MTUS1: variants seen among roughly 807,000 people sequenced by gnomAD.
MTUS1 encodes the protein microtubule-associated tumor suppressor 1.
MTUS1 carries 109 observed loss-of-function variants against 120.8 expected under a neutral mutation model. The ratio of observed to expected loss-of-function variants is 0.90; its 90% CI spans 0.77 to 1.06. MTUS1 has a LOEUF of 1.06. MTUS1 is among the 50% of genes least tolerant of loss of function. MTUS1 has a pLI of 0.00. For synonymous variants in MTUS1, 737 were observed against 550.5 expected (o/e 1.34, Z -4.74); for missense variants, 2,210 against 1,486.3 (o/e 1.49, Z -8.01).
At chr8:17,796,347 G>T (rs78167187) in intron 1 of MTUS1, among the ~76,000 whole-genome samples, 1 of 17,576 alleles carries the variant, frequency 5.7e-5, no homozygotes, top group African/African-American at 1.9e-4. Flanking sequence ...TATACAGCTT[G>T]AAGTCTAAAC....
At chr8:17,768,897 G>C (rs1047119567) in intron 1 of MTUS1, among the ~76,000 whole-genome samples, 3 of 152,040 alleles carry the variant, frequency 2.0e-5, no homozygotes, top group Non-Finnish European at 4.4e-5. Flanking sequence ...ATGGTATTTT[G>C]TTTACACTTC....
intron 1 of MTUS1, among the ~76,000 whole-genome samples, chr8:17,798,002 G>A (rs2052384592): frequency 6.6e-6 from 1 of 152,110 alleles, no homozygotes; most frequent in Non-Finnish European, 1.5e-5. Flanking sequence ...AACTACGTAT[G>A]CAGTACATTT....
At chr8:17,758,056 C>G (rs1314789606) in intron 1 of MTUS1, 1 of 151,980 alleles carries the variant, frequency 6.6e-6, no homozygotes, top group African/African-American at 2.4e-5. Flanking sequence ...CAATGTCAAT[C>G]CGATGTCACA....
In MTUS1 at chr8:17,749,154, A is replaced by T. The variant is rs533005038; in HGVS notation, c.2091+4563T>A. On this transcript the variant is annotated intron_variant, in intron 2 of 14. Coordinates refer to ENST00000693296, the MANE Select transcript of MTUS1 (RefSeq NM_001363059.2). ...AAGGGTTGGAATTCAGGCACAGCTG[A>T]CCAGCATTAACATCAACAAAGACCT... is the stretch of plus-strand genomic sequence containing the variant. Among the ~76,000 whole-genome samples, 11 of 152,178 alleles carry T rather than the reference A, an allele frequency of 7.2e-5. No individual in the cohort carries two copies. In the South Asian group the frequency reaches 1.0e-3, roughly 14 times the overall value.
chr8:17,696,156 C>CG (rs1563219085), intron 6 of MTUS1, among the ~76,000 whole-genome samples: 2 of 151,726 alleles, frequency 1.3e-5, no homozygotes, highest in African/African-American at 4.8e-5. Context: ...CTGCTGACCT[C>CG]CTCCTCGCTG....
At chr8:17,684,089 G>A (rs543668183) in intron 7 of MTUS1, among the ~76,000 whole-genome samples, 2 of 152,230 alleles carry the variant, frequency 1.3e-5, no homozygotes, top group South Asian at 4.2e-4. Flanking sequence ...GTTTTTTGCT[G>A]TTGCCATTCT....
chr8:17,712,575 G>A (rs1169824006), intron 6 of MTUS1, among the ~76,000 whole-genome samples: 4 of 152,146 alleles, frequency 2.6e-5, no homozygotes, highest in African/African-American at 9.7e-5. Flanking sequence ...CTGACCTCAA[G>A]TGATCCACCC....
chr8:17,773,562 T>C (rs1054126903), intron 1 of MTUS1, among the ~76,000 whole-genome samples: 6 of 152,196 alleles, frequency 3.9e-5, no homozygotes, highest in African/African-American at 1.2e-4. Context: ...AAAACTGGTG[T>C]CTGGTAAGGA....
chr8:17,731,282 C>T (rs528892409), intron 3 of MTUS1, among the ~76,000 whole-genome samples: 99 of 152,104 alleles, frequency 6.5e-4, no homozygotes, highest in Non-Finnish European at 1.0e-3. Flanking sequence ...GGTTCAAACC[C>T]GGCGCCACCT....
At chr8:17,651,085 G>T (rs531158841) in intron 12 of MTUS1, among the ~76,000 whole-genome samples, 3 of 152,148 alleles carry the variant, frequency 2.0e-5, no homozygotes, top group Non-Finnish European at 4.4e-5. Flanking sequence ...GGAAAGATCA[G>T]GAAAGCTTCC....
chr8:17,801,421 GA>G (rs1563418579), upstream of MTUS1: 1 of 151,802 alleles, frequency 6.6e-6, no homozygotes, highest in Non-Finnish European at 1.5e-5. Flanking sequence ...CGTCCCAGGG[GA>G]CGGCCCTCGG....
At chr8:17,651,083 C>G (rs1027200101) in intron 12 of MTUS1, among the ~76,000 whole-genome samples, 1 of 152,110 alleles carries the variant, frequency 6.6e-6, no homozygotes, top group African/African-American at 2.4e-5. Flanking sequence ...CAGGAAAGAT[C>G]AGGAAAGCTT....
chr8:17,666,523 C>G (rs189889657), intron 8 of MTUS1, among the ~76,000 whole-genome samples: 8 of 152,208 alleles, frequency 5.3e-5, no homozygotes, highest in Admixed American at 3.3e-4. Context: ...TTCTAGGCAG[C>G]TAGAGCAGTG....
chr8:17,682,638 G>T (rs543858026), intron 7 of MTUS1, among the ~76,000 whole-genome samples: 1 of 152,048 alleles, frequency 6.6e-6, no homozygotes, highest in Admixed American at 6.6e-5. Context: ...ACTGTGAAAT[G>T]AGAGTTCACA....
At chr8:17,724,438 AT>A (rs1210561913) in intron 3 of MTUS1, among the ~76,000 whole-genome samples, 1 of 152,190 alleles carries the variant, frequency 6.6e-6, no homozygotes, top group African/African-American at 2.4e-5. Flanking sequence ...CAAAAATTTC[AT>A]TTGAAAAATG....
chr8:17,718,299 C>A (rs148554995), intron 4 of MTUS1, among the ~76,000 whole-genome samples: 1 of 152,156 alleles, frequency 6.6e-6, no homozygotes, highest in Non-Finnish European at 1.5e-5. Context: ...CAATAAAGTC[C>A]TCAGCGGCAA....
rs374370357 is a variant in MTUS1, at chr8:17,675,039, C to T, written c.2905+147G>A. The stretch of plus-strand genomic sequence containing the variant: ...AGCTGCCAAGATTCAAAAGAAATGT[C>T]GATAGTAAGTGTTTGCCCAGATACT... On this transcript the variant is annotated intron_variant, in intron 8 of 14. Coordinates refer to ENST00000693296, the MANE Select transcript of MTUS1 (RefSeq NM_001363059.2). The T allele has an allele frequency of 1.3e-4, 190 of 1,445,262 alleles. 1 individual carries two copies. The highest frequency in any genetic ancestry group is 6.7e-4 in the Admixed American group (26 of 38,908). The allele number at this position is 1,445,262 out of a possible 1,614,324, so 89.5% of individuals were successfully genotyped here.
rs774607443 is a variant in MTUS1, at chr8:17,684,319, C to T, written c.2838+9G>A. 1.5e-5 allele frequency: 24 copies of T among 1,611,768 alleles called. No individual in the cohort carries two copies. The East Asian group carries it at 3.3e-4, about 22-fold the overall frequency. Reference sequence around the variant, plus strand: ...GTAGAAAGGCTCTTTCTAGGATGCACCTCCTTACCTCAGACAGCAGGTGCT... The same window carrying T: ...GTAGAAAGGCTCTTTCTAGGATGCATCTCCTTACCTCAGACAGCAGGTGCT... On this transcript the variant is annotated intron_variant, in intron 7 of 14. Coordinates refer to ENST00000693296, the MANE Select transcript of MTUS1 (RefSeq NM_001363059.2).
chr8:17,723,977 A>C, intron 3 of MTUS1, 144 bp from the exon 4 acceptor site: 1 of 666,310 alleles, frequency 1.5e-6, no homozygotes, highest in Admixed American at 2.9e-5. Context: ...CTTCAGATGA[A>C]AGATGAAAGC....
Sources: gnomAD v4.1 joint callset for allele counts (sites outside exome capture counted in the v4.1 genomes callset) on GRCh38, gnomAD v4.1.1 for gene constraint, MANE v1.5 for transcripts, NCBI Gene and HGNC (gene_info 2026-07-23, HGNC 2026-07-21) for gene names.